Variants in SATB1 observed in about 807,000 individuals in gnomAD.
SATB1 encodes the protein SATB homeobox 1.
Under a neutral mutation model 86.9 loss-of-function variants are expected in SATB1, and 11 were observed. The observed-to-expected ratio is 0.13, with a 90% CI of 0.08 to 0.21. The LOEUF is 0.21. Ranked by LOEUF, SATB1 falls within the 10% of genes least tolerant of loss-of-function variation. The pLI is 1.00. For synonymous variants in SATB1, 357 were observed against 357.2 expected (o/e 1.00, Z 0.01); for missense variants, 551 against 937.6 (o/e 0.59, Z 5.39).
chr3:18,400,950 TGGC>T (rs1697234609), intron 5 of SATB1, among the ~76,000 whole-genome samples: 2 of 152,220 alleles, frequency 1.3e-5, no homozygotes, highest in Non-Finnish European at 2.9e-5. Context: ...TTTCTGAAGC[TGGC>T]CTATATCTGG....
At chr3:18,405,640 C>T (rs1184774572) in intron 5 of SATB1, among the ~76,000 whole-genome samples, 1 of 151,870 alleles carries the variant, frequency 6.6e-6, no homozygotes. Flanking sequence ...TAGCTCTTTA[C>T]AGGGCCACAG....
At position 18,382,206 on chromosome 3, in the gene SATB1, T is replaced by C. The variant is rs140314687; in HGVS notation, c.1420-3881A>G. Among the ~76,000 whole-genome samples the C allele has an allele frequency of 3.2e-3, 482 of 152,234 alleles. 5 individuals carry two copies. The South Asian group carries it at 0.039, about 12-fold the overall frequency. On this transcript the variant is annotated intron_variant, in intron 8 of 10. Coordinates refer to ENST00000338745, the MANE Select transcript of SATB1 (RefSeq NM_002971.6). The stretch of plus-strand genomic sequence containing the variant: ...TTAACTTCATAAATTTTCTAAAGCA[T>C]TGTTATGAAATAGCATACCTTTAGT...
chr3:18,369,502 T>C (rs1180881182), intron 9 of SATB1, among the ~76,000 whole-genome samples: 1 of 152,212 alleles, frequency 6.6e-6, no homozygotes, highest in African/African-American at 2.4e-5. Flanking sequence ...ATTTTATTTT[T>C]ATTTAAGAAC....
At chr3:18,358,438 A>C (rs151306812) in intron 9 of SATB1, among the ~76,000 whole-genome samples, 207 of 152,180 alleles carry the variant, frequency 1.4e-3, no homozygotes, top group African/African-American at 4.3e-3. Context: ...AAATGCATTA[A>C]TCTTTCTCTC....
intron 2 of SATB1, among the ~76,000 whole-genome samples, chr3:18,431,726 T>C (rs1698896717): frequency 6.6e-6 from 1 of 152,204 alleles, no homozygotes; most frequent in Non-Finnish European, 1.5e-5. Context: ...GCTAACCTGT[T>C]GTATGAACCA....
intron 8 of SATB1, among the ~76,000 whole-genome samples, chr3:18,384,462 T>C (rs933497275): frequency 1.3e-5 from 2 of 151,742 alleles, no homozygotes; most frequent in African/African-American, 2.4e-5. Flanking sequence ...CTAGATGTTT[T>C]TTTTTTTTTT....
intron 2 of SATB1, among the ~76,000 whole-genome samples, chr3:18,418,286 A>T (rs984906629): frequency 6.6e-6 from 1 of 152,142 alleles, no homozygotes; most frequent in Non-Finnish European, 1.5e-5. Context: ...AGGATTTCCT[A>T]CTGACACCAG....
intron 10 of SATB1, chr3:18,351,399 G>C: frequency 6.5e-7 from 1 of 1,548,322 alleles, no homozygotes; most frequent in Non-Finnish European, 8.7e-7. Flanking sequence ...AGGGTGGTGG[G>C]AGAGGGGCTC....
At chr3:18,361,912 A>G (rs1694922814) in intron 9 of SATB1, among the ~76,000 whole-genome samples, 2 of 152,172 alleles carry the variant, frequency 1.3e-5, no homozygotes. Context: ...AAGGGCGTCA[A>G]TCAGGATCCT....
At chr3:18,442,682 T>C (rs1025203631), upstream of SATB1, among the ~76,000 whole-genome samples, 1 of 152,220 alleles carries the variant, frequency 6.6e-6, no homozygotes, top group Non-Finnish European at 1.5e-5. Context: ...TACAGCCAGT[T>C]ACTTCTGCTA....
chr3:18,415,877 A>C (rs1698084644), intron 4 of SATB1, 130 bp downstream of exon 4: 2 of 731,718 alleles, frequency 2.7e-6, no homozygotes, highest in Admixed American at 6.0e-5. Context: ...TAGGGTAACA[A>C]AATCGATCTG....
chr3:18,357,541 ATTTTT>A (rs10539857), intron 9 of SATB1, among the ~76,000 whole-genome samples: 1,399 of 135,560 alleles, frequency 0.01, 33 homozygotes, highest in African/African-American at 0.036. Context: ...ATAGAGGGCA[ATTTTT>A]TTTTTTTTTT....
At chr3:18,413,578 T>G (rs1273165258) in intron 5 of SATB1, among the ~76,000 whole-genome samples, 1 of 152,124 alleles carries the variant, frequency 6.6e-6, no homozygotes, top group Non-Finnish European at 1.5e-5. Flanking sequence ...GTCCCTGAAG[T>G]AAGAGTCACC....
intron 9 of SATB1, 96 bp downstream of exon 9, chr3:18,378,074 G>C: frequency 9.5e-7 from 1 of 1,056,404 alleles, no homozygotes; most frequent in Non-Finnish European, 1.3e-6. Context: ...AGGCCTCTCC[G>C]TGATGCAAGT....
At chr3:18,401,764 C>T (rs1383618043) in intron 5 of SATB1, among the ~76,000 whole-genome samples, 1 of 152,066 alleles carries the variant, frequency 6.6e-6, no homozygotes, top group African/African-American at 2.4e-5. Flanking sequence ...ATCCTAGGAG[C>T]CAAGTTGTAA....
Position 18,349,792 on chromosome 3 carries a change from T to G in SATB1, c.1780-110A>C. 1 of 1,446,860 alleles carries G rather than the reference T, an allele frequency of 6.9e-7. No homozygotes were observed. The highest frequency in any genetic ancestry group is 1.5e-5 in the South Asian group (1 of 68,956). The allele number at this position is 1,446,860 out of a possible 1,614,324, so 89.6% of individuals were successfully genotyped here. On this transcript the variant is annotated intron_variant, in intron 10 of 10. Coordinates refer to ENST00000338745, the MANE Select transcript of SATB1 (RefSeq NM_002971.6). This position sits in a 1 kb window ranked among gnomAD's most constrained non-coding sequence, Gnocchi z 5.5. ...CGGATCCTACATATAGCTTCTTTGA[T>G]AGGGATGAAGATTTAGAAAGAAAAG...
At chr3:18,423,199 C>G (rs1460607633) in intron 1 of SATB1, among the ~76,000 whole-genome samples, 2 of 152,152 alleles carry the variant, frequency 1.3e-5, no homozygotes, top group Admixed American at 1.3e-4. Flanking sequence ...TTGAGTTACA[C>G]GTTACAACCC....
chr3:18,391,444 T>C (rs1237396558), intron 7 of SATB1, among the ~76,000 whole-genome samples: 1 of 151,838 alleles, frequency 6.6e-6, no homozygotes, highest in African/African-American at 2.4e-5. Context: ...TAGTTACATA[T>C]GTATACATGT....
chr3:18,379,715 C>T (rs894223050), intron 8 of SATB1, among the ~76,000 whole-genome samples: 7 of 152,170 alleles, frequency 4.6e-5, no homozygotes, highest in African/African-American at 1.7e-4. Flanking sequence ...AAATAATTCA[C>T]CTCTTGCTTA....
Sources: gnomAD v4.1 joint callset for allele counts (sites outside exome capture counted in the v4.1 genomes callset) on GRCh38, gnomAD v4.1.1 for gene constraint, Gnocchi (gnomAD v3.1) non-coding constraint, MANE v1.5 for transcripts, NCBI Gene and HGNC (gene_info 2026-07-23, HGNC 2026-07-21) for gene names.